The following AFDN variants were observed in gnomAD, a reference collection of about 807,000 sequenced individuals.
The protein encoded by AFDN is afadin.
Under a neutral mutation model 216.6 loss-of-function variants are expected in AFDN, and 68 were observed. The ratio of observed to expected loss-of-function variants is 0.31; its 90% CI spans 0.26 to 0.38. The LOEUF is 0.38. Ranked by LOEUF, AFDN falls within the 10% of genes least tolerant of loss-of-function variation. The probability of loss-of-function intolerance (pLI) is 1.00; values close to 1 mark genes in which losing one functional copy is unlikely to be tolerated. For missense variants in AFDN, 2,136 were observed against 2,342.0 expected (o/e 0.91, Z 1.82); for synonymous variants, 868 against 853.7 (o/e 1.02, Z -0.29).
rs971598923 is a variant in AFDN, at chr6:167,951,012, C to T, written c.3832-174C>T. Among the ~76,000 whole-genome samples, 8 of 152,144 alleles carry T rather than the reference C, an allele frequency of 5.3e-5. No homozygotes were observed. The East Asian group carries it at 1.6e-3, about 29-fold the overall frequency. On this transcript the variant is annotated intron_variant, in intron 29 of 33. Transcript: ENST00000683244. The surrounding 1 kb of genome is among the most constrained non-coding windows in gnomAD (Gnocchi z 7.1). ...ACGCTTGGCCGCTTTTCCTTCTTTA[C>T]ACAGATAAATGCACTGTTACTCCAC...
chr6:167,904,421 G>A (rs1193163192), intron 12 of AFDN, among the ~76,000 whole-genome samples: 1 of 152,020 alleles, frequency 6.6e-6, no homozygotes, highest in Admixed American at 6.5e-5. Context: ...TGTTGCCCAG[G>A]CTGGTCTTGA....
At position 167,971,541 on chromosome 6, in the gene AFDN, A is replaced by G. The variant is rs75263916; in HGVS notation, c.*1606A>G. 268 of 195,344 alleles carry G rather than the reference A, an allele frequency of 1.4e-3. No individual in the cohort carries two copies. The highest frequency in any genetic ancestry group is 5.9e-3 in the African/African-American group (255 of 43,360). 12.1% of individuals were successfully genotyped at this position (195,344 alleles called of 1,614,324 possible). A position where few individuals can be genotyped will look rare whatever the true frequency, so the allele number is the denominator to read the frequency against. ...GTTTAGGAAGGATTTGCTTGCTTGC[A>G]GCAGAAGTTCTAGGAAAAGCAGGCA... On this transcript the variant is annotated 3_prime_UTR_variant, in exon 34 of 34. Transcript: ENST00000683244.
At chr6:167,830,208 T>A (rs759316944) in intron 1 of AFDN, among the ~76,000 whole-genome samples, 1 of 152,238 alleles carries the variant, frequency 6.6e-6, no homozygotes, top group Non-Finnish European at 1.5e-5. Flanking sequence ...AGCAGAGTCC[T>A]TTTAATCTTT....
intron 23 of AFDN, among the ~76,000 whole-genome samples, chr6:167,928,999 G>A (rs1445462322): frequency 1.3e-5 from 2 of 152,166 alleles, no homozygotes; most frequent in African/African-American, 4.8e-5. Flanking sequence ...GGTACAGTAG[G>A]TATCAGTGTA....
intron 1 of AFDN, among the ~76,000 whole-genome samples, chr6:167,858,513 C>G (rs1783158523): frequency 6.6e-6 from 1 of 152,178 alleles, no homozygotes; most frequent in Non-Finnish European, 1.5e-5. Flanking sequence ...GGAAGATGAC[C>G]TTTTCCCACT....
intron 1 of AFDN, among the ~76,000 whole-genome samples, chr6:167,859,322 C>T (rs1229816344): frequency 1.3e-5 from 2 of 152,162 alleles, no homozygotes; most frequent in African/African-American, 4.8e-5. Context: ...TGTGTACTAG[C>T]AACTGGTGTG....
At chr6:167,923,189 A>C in intron 22 of AFDN, 1 of 416,088 alleles carries the variant, frequency 2.4e-6, no homozygotes, top group Non-Finnish European at 4.3e-6. Flanking sequence ...TTTTTAAAAT[A>C]AAGAACACTT....
chr6:167,893,890 C>G lies in AFDN; in HGVS notation c.1206C>G (p.Asn402Lys). 4 of 1,588,986 alleles carry G rather than the reference C, an allele frequency of 2.5e-6. No individual in the cohort carries two copies. The highest frequency in any genetic ancestry group is 1.7e-4 in the Middle Eastern group (1 of 6,030). ...GAAGGAATCACTTTGCCTACTACAACTATCACACTTACGAAGGTAATGCTA... is the reference window on the plus strand; with the variant it reads ...GAAGGAATCACTTTGCCTACTACAAGTATCACACTTACGAAGGTAATGCTA... ...PGRRNHFAYY[N>K]YHTYEDGSDS... The change falls in exon 9 of 34, where the codon AAC becomes AAG. Residue 402 changes from asparagine to lysine, a missense_variant. Transcript: ENST00000683244.
chr6:167,865,020 C>T, intron 2 of AFDN: 1 of 531,638 alleles, frequency 1.9e-6, no homozygotes, highest in South Asian at 1.9e-5. Context: ...TTACATTTAT[C>T]CAACATATCT....
rs775401437 is a variant in AFDN at position 167,902,324 on chromosome 6, C to G, written c.1588C>G (p.Gln530Glu). The G allele has an allele frequency of 1.9e-6, 3 of 1,611,610 alleles. No individual in the cohort carries two copies. The highest frequency in any genetic ancestry group is 1.3e-5 in the African/African-American group (1 of 74,854). ...CTTGTTTTATCCCATCAGAATTGTT[C>G]AGGAGACAACTTTTGATTTGGGAGG... The part of the protein sequence containing the change: ...KGPRHKPGIV[Q>E]ETTFDLGGDI... The change falls in exon 12 of 34, where the codon CAG becomes GAG. Residue 530 changes from glutamine to glutamate, a missense_variant. Physicochemically the swap from Gln to Glu is conservative, Grantham distance 29. This residue lies in a region of AFDN where 817 missense variants were observed against 965.7 expected (regional missense o/e 0.85). Coordinates refer to ENST00000683244, the MANE Select transcript of AFDN (RefSeq NM_001386888.1).
At position 167,915,406 on chromosome 6, in the gene AFDN, G is replaced by A. The variant is rs146603812; in HGVS notation, c.2538G>A (p.Ala846=). The A allele has an allele frequency of 1.1e-5, 18 of 1,613,912 alleles. No homozygotes were observed. The highest frequency in any genetic ancestry group is 2.2e-5 in the East Asian group (1 of 44,892). Residue 846 remains alanine, a synonymous_variant, in exon 19 of 34, where the codon GCG becomes GCA. Transcript: ENST00000683244. The stretch of plus-strand genomic sequence containing the variant: ...AGAAGCAGGGGCTGGAACTGGCTGC[G>A]GACTGTCATCTGAGCAGGATCGTGC... The part of the protein sequence containing the change: ...WAEKQGLELA[A]DCHLSRIVQA...
Position 167,966,026 on chromosome 6 carries a change from G to T in AFDN, c.5238G>T (p.Glu1746Asp). The change falls in exon 32 of 34, where the codon GAG (glutamate) becomes GAT (aspartate). Residue 1746 changes from glutamate to aspartate, a missense_variant. Glu to Asp is a conservative substitution (Grantham distance 45, BLOSUM62 2). Coordinates refer to ENST00000683244, the MANE Select transcript of AFDN (RefSeq NM_001386888.1). ...TTGCATACAATGAGGAGGAGGAGGA[G>T]GAGGACTGCAGCCTAGCAGGTCAGG... Reference protein sequence around the residue: ...KFVAYNEEEEEEDCSLAGPNS... With the variant: ...KFVAYNEEEEDEDCSLAGPNS... 1 of 1,548,078 alleles carries T rather than the reference G, an allele frequency of 6.5e-7. No homozygotes were observed.
intron 8 of AFDN, among the ~76,000 whole-genome samples, chr6:167,892,868 T>C (rs1042958026): frequency 1.3e-5 from 2 of 152,214 alleles, no homozygotes; most frequent in Non-Finnish European, 2.9e-5. Flanking sequence ...TCACCAAATA[T>C]TGGCAACAGC....
At position 167,878,607 on chromosome 6, in the gene AFDN, G is replaced by GTCTCTCTCTC. The variant is rs10677317; in HGVS notation, c.740-1746_740-1737dup. Reference sequence around the variant, plus strand: ...ACCCACTCTCTCTCTCTCTCTCTCTGTCTCTCTCTCTCTCTCATACACATA... The same window carrying GTCTCTCTCTC: ...ACCCACTCTCTCTCTCTCTCTCTCTGTCTCTCTCTCTCTCTCTCTCTCTCTCATACACATA... On this transcript the variant is annotated intron_variant, in intron 5 of 33. Transcript: ENST00000683244. 7.2e-3 allele frequency among the ~76,000 whole-genome samples: 1,074 copies of GTCTCTCTCTC among 149,292 alleles called. 19 individuals carry two copies. Among genetic ancestry groups the GTCTCTCTCTC allele is most frequent in the African/African-American group, 0.025 (1,022 of 40,522 alleles).
In AFDN at chr6:167,965,826, C is replaced by T; in HGVS notation, c.5038C>T (p.Arg1680Cys). 1.1e-5 allele frequency: 17 copies of T among 1,558,936 alleles called. No homozygotes were observed. The highest frequency in any genetic ancestry group is 1.5e-5 in the Non-Finnish European group (17 of 1,151,758). ...GCGCAGACAGCACGACGAGGCGGCG[C>T]GCAGGTTGCTGGAGCCCGAGGCGCC... ...ERRRQHDEAA[R>C]RLLEPEAPGL... The change falls in exon 32 of 34, where the codon CGC (arginine) becomes TGC (cysteine). Residue 1680 changes from arginine to cysteine, a missense_variant. By Grantham distance (180) the Arg-to-Cys change is radical (BLOSUM62 -3). Transcript: ENST00000683244.
intron 1 of AFDN, among the ~76,000 whole-genome samples, chr6:167,836,482 C>T (rs1241928983): frequency 6.6e-6 from 1 of 152,018 alleles, no homozygotes; most frequent in Non-Finnish European, 1.5e-5. Flanking sequence ...TGTTCTAAGA[C>T]CAATCACGCA....
intron 15 of AFDN, among the ~76,000 whole-genome samples, chr6:167,913,074 C>T (rs557261661): frequency 2.0e-4 from 30 of 152,174 alleles, no homozygotes; most frequent in Middle Eastern, 3.4e-3. Flanking sequence ...GAAAGATGTT[C>T]GTTCACAAGT....
In AFDN at chr6:167,915,464, T is replaced by C. The variant is rs200535919; in HGVS notation, c.2565+31T>C. 7 of 1,576,022 alleles carry C rather than the reference T, an allele frequency of 4.4e-6. No homozygotes were observed. In the African/African-American group the frequency reaches 8.1e-5, roughly 18 times the overall value. On this transcript the variant is annotated intron_variant, in intron 19 of 33. Transcript: ENST00000683244. ...TGCTGGTGCCACTCCCCAGCTCATG[T>C]GCTTTATGATAAAGGCATCTGATCT...
chr6:167,885,516 G>A (rs1786682102), intron 6 of AFDN, among the ~76,000 whole-genome samples: 1 of 152,182 alleles, frequency 6.6e-6, no homozygotes, highest in Non-Finnish European at 1.5e-5. Context: ...AGAGAGATGG[G>A]GAGTGGAACA....
Sources: gnomAD v4.1 joint callset for allele counts (sites outside exome capture counted in the v4.1 genomes callset) on GRCh38, gnomAD v4.1.1 for gene constraint, gnomAD v4.1.1 regional missense constraint, Gnocchi (gnomAD v3.1) non-coding constraint, MANE v1.5 for transcripts, NCBI Gene and HGNC (gene_info 2026-07-23, HGNC 2026-07-21) for gene names.